Variants in MTERF4 observed in about 807,000 individuals in gnomAD.
MTERF4 encodes the protein mitochondrial transcription termination factor 4.
Under a neutral mutation model 22.5 loss-of-function variants are expected in MTERF4, and 17 were observed. The ratio of observed to expected loss-of-function variants is 0.75; its 90% CI spans 0.52 to 1.13. The LOEUF (loss-of-function observed/expected upper bound fraction) is 1.13. Among genes scored for constraint, MTERF4 ranks in the 50% most tolerant of loss-of-function variants. The pLI is 0.00. For synonymous variants in MTERF4, 165 were observed against 175.3 expected (o/e 0.94, Z 0.47); for missense variants, 420 against 466.8 (o/e 0.90, Z 0.92).
Position 241,099,708 on chromosome 2 carries a change from T to C in MTERF4, c.208A>G (p.Arg70Gly). The C allele has an allele frequency of 6.2e-7, 1 of 1,614,242 alleles. No individual in the cohort carries two copies. The highest frequency in any genetic ancestry group is 1.1e-5 in the South Asian group (1 of 91,082). ...AGGAGGCACTGAACAAGATTCCTCC[T>C]GCACTCTGGTTCCTGCACATAGTTA... ...SNNYVQEPEC[R>G]RNLVQCLLEK... The change falls in exon 2 of 4, where the codon AGG becomes GGG. Residue 70 changes from arginine (R) to glycine (G), a missense_variant. Coordinates refer to ENST00000391980, the MANE Select transcript of MTERF4 (RefSeq NM_182501.4).
At chr2:241,087,706 G>A, downstream of MTERF4, 1 of 1,361,426 alleles carries the variant, frequency 7.3e-7, no homozygotes, top group Non-Finnish European at 9.4e-7. Flanking sequence ...GCTGGGGGGG[G>A]TCACTCTGGT....
chr2:241,072,612 T>C (rs1457720740), exon 5 of MTERF4: 1 of 258,272 alleles, frequency 3.9e-6, no homozygotes, highest in East Asian at 1.2e-4. Flanking sequence ...GCAAGGAGAG[T>C]GGCAAGCAGG....
chr2:241,089,616 G>C (rs562899062), downstream of MTERF4, among the ~76,000 whole-genome samples: 1 of 152,284 alleles, frequency 6.6e-6, no homozygotes, highest in Non-Finnish European at 1.5e-5. Context: ...TTCACTTCCT[G>C]TTGACTCGAG....
chr2:241,087,330 T>C, downstream of MTERF4: 1 of 1,506,784 alleles, frequency 6.6e-7, no homozygotes, highest in Non-Finnish European at 9.0e-7. Flanking sequence ...ATAGCCTAGG[T>C]TAAGCAGTTG....
At chr2:241,065,346 G>A in the MTERF4 span, 2 of 1,612,870 alleles carry the variant, frequency 1.2e-6, no homozygotes, top group Non-Finnish European at 1.7e-6. Flanking sequence ...GGAGGAGAGT[G>A]GGGTCTCTAT....
At chr2:241,088,571 TC>T, downstream of MTERF4, 1 of 612,262 alleles carries the variant, frequency 1.6e-6, no homozygotes, top group Non-Finnish European at 2.9e-6. Flanking sequence ...GGTTCAGAAG[TC>T]CCCAAGGGGA....
downstream of MTERF4, chr2:241,088,427 A>G (rs971787653): frequency 3.1e-6 from 5 of 1,596,324 alleles, no homozygotes; most frequent in African/African-American, 5.4e-5. Context: ...CTCCCGCCCC[A>G]CTACCACAGA....
intron 1 of MTERF4, among the ~76,000 whole-genome samples, chr2:241,101,917 G>A (rs1282443807): frequency 6.6e-6 from 1 of 152,150 alleles, no homozygotes; most frequent in South Asian, 2.1e-4. Context: ...GCCAGGCATG[G>A]TGGCGGGCGC....
intron 1 of MTERF4, 89 bp from the exon 2 acceptor site, chr2:241,099,983 C>A: frequency 6.9e-7 from 1 of 1,459,672 alleles, no homozygotes; most frequent in South Asian, 1.3e-5. Context: ...GTACTTACTG[C>A]CTTGGTTCCA....
At chr2:241,057,328 G>A in the MTERF4 span, among the ~76,000 whole-genome samples, 2 of 149,814 alleles carry the variant, frequency 1.3e-5, no homozygotes, top group East Asian at 3.9e-4. Context: ...GCAATGAGCC[G>A]AGATTGCGCC....
the MTERF4 span, among the ~76,000 whole-genome samples, chr2:241,067,033 C>T: frequency 6.6e-6 from 1 of 152,308 alleles, no homozygotes; most frequent in South Asian, 2.1e-4. Context: ...AGGGGTGGCT[C>T]GCCTGGGCTG....
chr2:241,084,103 G>A (rs1279811583), downstream of MTERF4, among the ~76,000 whole-genome samples: 1 of 146,972 alleles, frequency 6.8e-6, no homozygotes, highest in African/African-American at 2.5e-5. Flanking sequence ...AATTACTATT[G>A]TACGAGTTCA....
the MTERF4 span, chr2:241,062,881 A>G: frequency 6.2e-7 from 1 of 1,606,762 alleles, no homozygotes; most frequent in Non-Finnish European, 8.5e-7. Flanking sequence ...AGCACAGGCT[A>G]TGAGGGCGCC....
chr2:241,080,120 A>G (rs922051770), intron 4 of MTERF4, among the ~76,000 whole-genome samples: 1 of 152,112 alleles, frequency 6.6e-6, no homozygotes, highest in Admixed American at 6.5e-5. Flanking sequence ...CCCCGTCTCT[A>G]CTAAAATACA....
chr2:241,043,632 A>C, the MTERF4 span, among the ~76,000 whole-genome samples: 4 of 152,222 alleles, frequency 2.6e-5, no homozygotes, highest in African/African-American at 9.6e-5. Context: ...TAATCCCTTT[A>C]AAGAAAAATT....
At chr2:241,062,436 A>C in the MTERF4 span, among the ~76,000 whole-genome samples, 1 of 152,256 alleles carries the variant, frequency 6.6e-6, no homozygotes, top group African/African-American at 2.4e-5. Context: ...GACTGGTTTC[A>C]CAGGTGACTA....
the MTERF4 span, among the ~76,000 whole-genome samples, chr2:241,047,411 G>A: frequency 2.0e-5 from 3 of 152,216 alleles, no homozygotes; most frequent in South Asian, 2.1e-4. Context: ...TGGAGATTTC[G>A]ACACTCCCCT....
chr2:241,060,781 A>G, the MTERF4 span, among the ~76,000 whole-genome samples: 4 of 152,106 alleles, frequency 2.6e-5, no homozygotes, highest in Non-Finnish European at 5.9e-5. Context: ...ATAAACTAAA[A>G]TTAACCAGGC....
chr2:241,078,326 T>G (rs2063141163), intron 4 of MTERF4, among the ~76,000 whole-genome samples: 1 of 144,120 alleles, frequency 6.9e-6, no homozygotes, highest in Non-Finnish European at 1.5e-5. Context: ...GAGTTTGCAG[T>G]GAGGTGAGAT....
Sources: gnomAD v4.1 joint callset for allele counts (sites outside exome capture counted in the v4.1 genomes callset) on GRCh38, gnomAD v4.1.1 for gene constraint, MANE v1.5 for transcripts, NCBI Gene and HGNC (gene_info 2026-07-23, HGNC 2026-07-21) for gene names.